CRYAB: variants seen among roughly 807,000 people sequenced by gnomAD.
The protein encoded by CRYAB is alpha-crystallin B chain.
Under a neutral mutation model 12.7 loss-of-function variants are expected in CRYAB, and 9 were observed. That is an observed-to-expected ratio of 0.71 (90% confidence interval 0.43 to 1.24). CRYAB has a LOEUF of 1.24. Among genes scored for constraint, CRYAB ranks in the 50% most tolerant of loss-of-function variants. The pLI, the probability that CRYAB is intolerant of heterozygous loss-of-function variation, is 0.00. For synonymous variants in CRYAB, 93 were observed against 86.8 expected (o/e 1.07, Z -0.40); for missense variants, 183 against 226.6 (o/e 0.81, Z 1.24).
upstream of CRYAB, chr11:111,912,495 G>A (rs1260850939): frequency 7.0e-6 from 3 of 431,610 alleles, no homozygotes; most frequent in Non-Finnish European, 8.5e-6. Context: ...GAGGGTCTCA[G>A]CGAGGCCTCT....
chr11:111,910,452 A>G lies in CRYAB; in HGVS notation c.202-3T>C. On this transcript the variant is annotated splice_polypyrimidine_tract_variant and splice_region_variant and intron_variant, in intron 1 of 2. Transcript: ENST00000650687. ...AACCTGTCCTTCTCCAGGCGCATCT[A>G]GAAATAGCAAGGTAAGGGAATGGGA... 2 of 1,614,198 alleles carry G rather than the reference A, an allele frequency of 1.2e-6. No homozygotes were observed. Among genetic ancestry groups the G allele is most frequent in the Non-Finnish European group, 1.7e-6 (2 of 1,180,032 alleles).
upstream of CRYAB, among the ~76,000 whole-genome samples, chr11:111,914,427 G>A (rs1965565702): frequency 6.6e-6 from 1 of 152,198 alleles, no homozygotes; most frequent in South Asian, 2.1e-4. Context: ...TTTTTGGGTA[G>A]GGGCTGGGAA....
chr11:111,919,570 C>G (rs1438726801), intron 1 of CRYAB, among the ~76,000 whole-genome samples: 1 of 152,218 alleles, frequency 6.6e-6, no homozygotes. Context: ...TCTGTGCCCT[C>G]TTCCTCCCTT....
At chr11:111,909,420 C>T (rs1417024272) in intron 2 of CRYAB, among the ~76,000 whole-genome samples, 6 of 151,980 alleles carry the variant, frequency 3.9e-5, no homozygotes, top group Admixed American at 2.6e-4. Context: ...GAGACTATGA[C>T]CCAAACCTAA....
intron 1 of CRYAB, among the ~76,000 whole-genome samples, chr11:111,922,847 C>G (rs1361715919): frequency 6.6e-6 from 1 of 152,148 alleles, no homozygotes; most frequent in Non-Finnish European, 1.5e-5. Context: ...GATTTTTATA[C>G]TTATTGCCAA....
At chr11:111,914,169 A>G (rs181591659), upstream of CRYAB, 10 of 412,870 alleles carry the variant, frequency 2.4e-5, no homozygotes, top group African/African-American at 2.0e-4. Context: ...AGCCAGCTAG[A>G]CAAAAAGCTC....
upstream of CRYAB, chr11:111,913,226 C>T (rs1965528414): frequency 4.9e-6 from 3 of 607,214 alleles, no homozygotes; most frequent in South Asian, 3.9e-5. Context: ...CCCTCCTCCT[C>T]CTTCTCCTCC....
chr11:111,913,643 G>T, upstream of CRYAB: 1 of 1,614,188 alleles, frequency 6.2e-7, no homozygotes, highest in Non-Finnish European at 8.5e-7. Context: ...TGCTGGAGGT[G>T]TCTGCCCGGC....
chr11:111,916,693 C>G (rs1965602269), upstream of CRYAB, among the ~76,000 whole-genome samples: 3 of 152,204 alleles, frequency 2.0e-5, no homozygotes, highest in Non-Finnish European at 4.4e-5. Flanking sequence ...GTGGAATAAT[C>G]AATATCCTTG....
At chr11:111,914,385 AC>A (rs1351468950), upstream of CRYAB, among the ~76,000 whole-genome samples, 1 of 152,218 alleles carries the variant, frequency 6.6e-6, no homozygotes, top group Non-Finnish European at 1.5e-5. Context: ...GATTAGAGAC[AC>A]AAAAACAAGG....
chr11:111,915,688 C>T (rs962945959), upstream of CRYAB, among the ~76,000 whole-genome samples: 6 of 152,174 alleles, frequency 3.9e-5, no homozygotes, highest in Admixed American at 2.6e-4. Flanking sequence ...TCAACTTATT[C>T]GGGGACATTC....
chr11:111,911,431 A>T, intron 1 of CRYAB, 93 bp downstream of exon 1: 19 of 1,305,034 alleles, frequency 1.5e-5, no homozygotes, highest in Non-Finnish European at 1.9e-5. Flanking sequence ...TGTGCCTAAA[A>T]TGGTTTAGGC....
At chr11:111,910,011 G>A (rs1965402854) in intron 2 of CRYAB, 1 of 614,254 alleles carries the variant, frequency 1.6e-6, no homozygotes, top group East Asian at 2.7e-5. Context: ...GTATGCCCGA[G>A]CATTAGGTTT....
chr11:111,913,158 G>A (rs1965524282), upstream of CRYAB: 3 of 606,034 alleles, frequency 5.0e-6, no homozygotes, highest in South Asian at 3.9e-5. Context: ...GCCGGCCTGG[G>A]TGTGCCTCCT....
rs781853968 is a variant in CRYAB at position 111,908,726 on chromosome 11, C to T, written c.*38G>A. The T allele has an allele frequency of 2.0e-5, 32 of 1,605,868 alleles. No individual in the cohort carries two copies. Among genetic ancestry groups the T allele is most frequent in the Non-Finnish European group, 2.4e-5 (28 of 1,174,332 alleles). ...AGACTTTCATTCACTGGTGGGGAAA[C>T]TTTCTTGTTTTAAAAAATGCAATTC... On this transcript the variant is annotated 3_prime_UTR_variant, in exon 3 of 3. Coordinates refer to ENST00000650687, the MANE Select transcript of CRYAB (RefSeq NM_001289808.2).
upstream of CRYAB, chr11:111,913,144 CT>C: frequency 1.6e-6 from 1 of 608,652 alleles, no homozygotes. Context: ...GATACCTGCT[CT>C]TTGCCGGCCT....
upstream of CRYAB, among the ~76,000 whole-genome samples, chr11:111,915,955 T>C (rs587635857): frequency 4.6e-4 from 70 of 152,240 alleles, no homozygotes; most frequent in Non-Finnish European, 6.6e-4. Context: ...TTGTCCAGGC[T>C]GGTCTTGAAC....
rs982609751 is a variant in CRYAB at position 111,908,959 on chromosome 11, A to G, written c.333T>C (p.His111=). 8 of 1,614,056 alleles carry G rather than the reference A, an allele frequency of 5.0e-6. No individual in the cohort carries two copies. The highest frequency in any genetic ancestry group is 4.0e-5 in the African/African-American group (3 of 74,928). ...HGKHEERQDE[H]GFISREFHRK... is the part of the protein sequence containing the mutation. ...TGTGGAACTCCCTGGAGATGAAACC[A>G]TGTTCATCCTAACCCAAAAGAATGA... The change falls in exon 3 of 3, where the codon CAT becomes CAC. Residue 111 remains histidine (H), a synonymous_variant. Transcript: ENST00000650687.
chr11:111,921,246 AAC>A lies in CRYAB; in HGVS notation c.-199+2455_-199+2456del, dbSNP rs112056219. On this transcript the variant is annotated intron_variant, in intron 1 of 3. Transcript: ENST00000527950. The stretch of plus-strand genomic sequence containing the variant: ...CATTCATTTATCCATTCATTTATTA[AAC>A]AGTGTTTATTGAACATGTACTACAG... 5.8e-3 allele frequency among the ~76,000 whole-genome samples: 878 copies of A among 152,358 alleles called. 9 individuals are homozygous for A. The highest frequency in any genetic ancestry group is 0.02 in the African/African-American group (835 of 41,582).
Sources: allele counts gnomAD v4.1 joint callset (sites outside exome capture counted in the v4.1 genomes callset), GRCh38; gene constraint gnomAD v4.1.1; transcripts MANE v1.5; gene names NCBI Gene and HGNC (gene_info 2026-07-23, HGNC 2026-07-21).